NDST4: variants seen among roughly 807,000 people sequenced by gnomAD.
NDST4 encodes N-deacetylase and N-sulfotransferase 4.
Under a neutral mutation model 100.8 loss-of-function variants are expected in NDST4, and 63 were observed. The ratio of observed to expected loss-of-function variants is 0.62; its 90% confidence interval spans 0.51 to 0.77. The LOEUF (loss-of-function observed/expected upper bound fraction) is 0.77, where lower values mean the gene tolerates loss of function less well. NDST4 is among the 30% of genes least tolerant of loss of function. NDST4 has a pLI of 0.00. For synonymous variants in NDST4, 377 were observed against 361.8 expected, an observed-to-expected ratio of 1.04 and a Z score of -0.48; for missense variants, 943 against 1,018.4, an observed-to-expected ratio of 0.93 and a Z score of 1.01.
chr4:115,065,961 C>G (rs951730480), intron 2 of NDST4, among the ~76,000 whole-genome samples: 2 of 152,156 alleles, frequency 1.3e-5, no homozygotes, highest in Non-Finnish European at 2.9e-5. Flanking sequence ...GCTAGCTTTG[C>G]TACAGTTCTG....
chr4:115,008,838 G>T lies in NDST4; in HGVS notation c.979-31564C>A, dbSNP rs1363774292. Among the ~76,000 whole-genome samples the T allele has an allele frequency of 3.6e-4, 46 of 128,522 alleles. 11 individuals are homozygous for T. Among genetic ancestry groups the T allele is most frequent in the Non-Finnish European group, 6.3e-4 (38 of 60,048 alleles). 84.3% of individuals were successfully genotyped at this position (128,522 alleles called of 152,430 possible). A position where few individuals can be genotyped will look rare whatever the true frequency, so the allele number is the denominator to read the frequency against. ...GCTGATAAGCAACTTCAGCAAAGTC[G>T]CAGGATACAAAATCAATGGACACAA... On this transcript the variant is annotated intron_variant, in intron 2 of 13. Transcript: ENST00000264363.
chr4:115,030,430 G>C (rs549786485), intron 2 of NDST4, among the ~76,000 whole-genome samples: 10 of 152,134 alleles, frequency 6.6e-5, no homozygotes, highest in African/African-American at 2.2e-4. Flanking sequence ...CTGCCAGTTT[G>C]AACTTAATTC....
chr4:115,093,415 T>C (rs537688697), intron 1 of NDST4, among the ~76,000 whole-genome samples: 4 of 151,626 alleles, frequency 2.6e-5, no homozygotes, highest in Non-Finnish European at 5.9e-5. Context: ...GCAGAGCTTG[T>C]AGTGAGCTGA....
intron 2 of NDST4, among the ~76,000 whole-genome samples, chr4:115,040,340 C>T (rs1009198828): frequency 9.4e-5 from 14 of 148,356 alleles, no homozygotes; most frequent in South Asian, 6.6e-4. Flanking sequence ...TACATCCATA[C>T]GAGATACATC....
chr4:114,874,455 A>G (rs1724216845), intron 6 of NDST4, among the ~76,000 whole-genome samples: 1 of 152,216 alleles, frequency 6.6e-6, no homozygotes, highest in Admixed American at 6.6e-5. Flanking sequence ...ACTGAGAATA[A>G]AAACAAGCAC....
intron 7 of NDST4, among the ~76,000 whole-genome samples, chr4:114,864,121 C>T (rs537059968): frequency 1.3e-5 from 2 of 152,302 alleles, no homozygotes; most frequent in East Asian, 3.9e-4. Flanking sequence ...CCACATCCTT[C>T]ACTGGCAAGG....
chr4:114,881,146 A>G (rs1409047265), intron 6 of NDST4, among the ~76,000 whole-genome samples: 1 of 152,100 alleles, frequency 6.6e-6, no homozygotes, highest in Non-Finnish European at 1.5e-5. Context: ...ATAGTCAGAT[A>G]TGCATTTTAC....
At chr4:115,042,609 C>T (rs766422364) in intron 2 of NDST4, among the ~76,000 whole-genome samples, 14 of 151,758 alleles carry the variant, frequency 9.2e-5, no homozygotes, top group East Asian at 3.9e-4. Context: ...TTTTATTATA[C>T]GCATGTATGT....
Position 114,974,544 on chromosome 4 carries a change from GA to G in NDST4, c.1066+2642del, listed in dbSNP as rs879829175. Among the ~76,000 whole-genome samples, 8 of 152,084 alleles carry G rather than the reference GA, an allele frequency of 5.3e-5. No individual in the cohort carries two copies. The South Asian group carries it at 1.4e-3, about 28-fold the overall frequency. On this transcript the variant is annotated intron_variant, in intron 3 of 13. Transcript: ENST00000264363. ...TACAGTGGGTAGCTCCTCTTTCAAAGAAGGCATCTGAATACTATAATGTCTC... is the reference window on the plus strand; with the variant it reads ...TACAGTGGGTAGCTCCTCTTTCAAAGAGGCATCTGAATACTATAATGTCTC...
At chr4:114,968,078 T>C (rs927737269) in intron 4 of NDST4, among the ~76,000 whole-genome samples, 7 of 152,180 alleles carry the variant, frequency 4.6e-5, no homozygotes, top group African/African-American at 1.7e-4. Context: ...TCCTTGATCT[T>C]AACTACTTTT....
intron 6 of NDST4, among the ~76,000 whole-genome samples, chr4:114,887,552 A>G (rs1465189045): frequency 2.0e-5 from 3 of 152,178 alleles, no homozygotes; most frequent in Non-Finnish European, 4.4e-5. Context: ...TATGTGATTA[A>G]AACTTATAAG....
At chr4:115,099,884 TA>T (rs1446994061) in intron 1 of NDST4, among the ~76,000 whole-genome samples, 2 of 152,150 alleles carry the variant, frequency 1.3e-5, no homozygotes, top group East Asian at 3.9e-4. Flanking sequence ...GCTTTATTTA[TA>T]GATGCCAAGG....
At chr4:115,088,319 AAT>A (rs1560596007) in intron 1 of NDST4, among the ~76,000 whole-genome samples, 2 of 135,124 alleles carry the variant, frequency 1.5e-5, no homozygotes, top group African/African-American at 2.8e-5. Context: ...TTCTAAAGTT[AAT>A]TTTTTTTTTT....
intron 7 of NDST4, among the ~76,000 whole-genome samples, chr4:114,861,797 A>G (rs911096389): frequency 6.6e-6 from 1 of 152,104 alleles, no homozygotes; most frequent in Non-Finnish European, 1.5e-5. Context: ...CATAAAGCCA[A>G]TAGTTTCAGC....
rs201062246 is a variant in NDST4, at chr4:114,935,162, A to G, written c.1536+44T>C. The stretch of plus-strand genomic sequence containing the variant: ...AAAGACAGGAAAATAAAACACATTT[A>G]AAAATGCTAATCTTATTGTAAGGTG... On this transcript the variant is annotated intron_variant, in intron 6 of 13. Transcript: ENST00000264363. The G allele has an allele frequency of 1.6e-4, 223 of 1,375,036 alleles. 1 individual carries two copies. The East Asian group carries it at 5.9e-3, about 37-fold the overall frequency. 85.2% of individuals were successfully genotyped at this position (1,375,036 alleles called of 1,614,324 possible). A position where few individuals can be genotyped will look rare whatever the true frequency, so the allele number is the denominator to read the frequency against.
chr4:114,832,014 CAT>C (rs1360973095), intron 12 of NDST4, among the ~76,000 whole-genome samples: 1 of 151,988 alleles, frequency 6.6e-6, no homozygotes, highest in Admixed American at 6.6e-5. Flanking sequence ...ATGTGTGAGA[CAT>C]ATTAAAAACG....
intron 4 of NDST4, among the ~76,000 whole-genome samples, chr4:114,946,371 G>T (rs537095695): frequency 3.9e-5 from 6 of 152,210 alleles, no homozygotes; most frequent in Admixed American, 1.3e-4. Context: ...TAAGTAAATT[G>T]TGTAATATAT....
At chr4:114,947,975 G>A (rs185702720) in intron 4 of NDST4, among the ~76,000 whole-genome samples, 4 of 151,972 alleles carry the variant, frequency 2.6e-5, no homozygotes, top group South Asian at 4.1e-4. Flanking sequence ...GCTGTCTACC[G>A]TGTGCTTCAT....
chr4:114,884,720 G>T (rs1298167804), intron 6 of NDST4, among the ~76,000 whole-genome samples: 2 of 151,926 alleles, frequency 1.3e-5, no homozygotes, highest in Admixed American at 1.3e-4. Context: ...TGCCTTTATT[G>T]CCTTTTAGTG....
Sources: allele counts gnomAD v4.1 joint callset (sites outside exome capture counted in the v4.1 genomes callset), GRCh38; gene constraint gnomAD v4.1.1; transcripts MANE v1.5; gene names NCBI Gene and HGNC (gene_info 2026-07-23, HGNC 2026-07-21).